The following SEL1L2 variants were observed in gnomAD, a reference collection of about 807,000 sequenced individuals.
The protein encoded by SEL1L2 is SEL1L2 adaptor subunit of SYVN1 ubiquitin ligase, also known as protein sel-1 homolog 2.
SEL1L2 carries 89 observed loss-of-function variants against 98.8 expected under a neutral mutation model. The ratio of observed to expected loss-of-function variants is 0.90; its 90% CI spans 0.76 to 1.07. The LOEUF (loss-of-function observed/expected upper bound fraction) is 1.07, where lower values mean the gene tolerates loss of function less well. Ranked by LOEUF, SEL1L2 falls within the 50% of genes least tolerant of loss-of-function variation. The pLI is 0.00. For missense variants in SEL1L2, 788 were observed against 812.0 expected (o/e 0.97, Z 0.36); for synonymous variants, 262 against 278.5 (o/e 0.94, Z 0.59).
intron 10 of SEL1L2, among the ~76,000 whole-genome samples, chr20:13,879,536 A>C (rs1194238336): frequency 6.6e-6 from 1 of 152,016 alleles, no homozygotes; most frequent in Non-Finnish European, 1.5e-5. Context: ...TATTTTTAGT[A>C]GAGATGGGGT....
chr20:13,962,541 A>G (rs6079239), intron 1 of SEL1L2, among the ~76,000 whole-genome samples: 114,046 of 152,108 alleles, frequency 0.75, 43,804 homozygotes, highest in South Asian at 0.84. Context: ...AAGCCACCCA[A>G]TCAACACACA....
intron 2 of SEL1L2, among the ~76,000 whole-genome samples, chr20:13,934,358 C>T (rs2049304860): frequency 4.9e-4 from 2 of 4,052 alleles, no homozygotes; most frequent in African/African-American, 9.8e-4. Flanking sequence ...ATATATATTC[C>T]ATATATATAT....
chr20:13,937,361 C>T (rs1180583897), intron 2 of SEL1L2, among the ~76,000 whole-genome samples: 2 of 152,206 alleles, frequency 1.3e-5, no homozygotes, highest in Non-Finnish European at 2.9e-5. Context: ...TGGAGCCCGA[C>T]ATGCGCACTG....
chr20:13,876,221 AGTAAATGCCACT>A (rs1305709424), intron 11 of SEL1L2, 106 bp from the exon 12 acceptor site: 11 of 784,774 alleles, frequency 1.4e-5, no homozygotes, highest in African/African-American at 3.4e-5. Flanking sequence ...TATTGAATGT[AGTAAATGCCACT>A]GTAAATGCCA....
chr20:13,924,840 T>C (rs1482692722), intron 3 of SEL1L2, among the ~76,000 whole-genome samples: 1 of 152,128 alleles, frequency 6.6e-6, no homozygotes, highest in Non-Finnish European at 1.5e-5. Context: ...TTCTACTCTA[T>C]CAAGTCTTGA....
At chr20:13,985,540 T>C (rs545062690) in intron 1 of SEL1L2, among the ~76,000 whole-genome samples, 60 of 152,212 alleles carry the variant, frequency 3.9e-4, no homozygotes, top group Non-Finnish European at 6.8e-4. Context: ...ATGCTTCTGT[T>C]TTATTACCTA....
At chr20:13,899,770 A>C (rs1568928603) in intron 5 of SEL1L2, among the ~76,000 whole-genome samples, 1 of 152,228 alleles carries the variant, frequency 6.6e-6, no homozygotes, top group African/African-American at 2.4e-5. Context: ...AAGAAAACTG[A>C]AGCAGGATAA....
intron 17 of SEL1L2, among the ~76,000 whole-genome samples, chr20:13,861,430 C>T (rs7271734): frequency 0.33 from 49,372 of 151,428 alleles, 8,372 homozygotes; most frequent in Middle Eastern, 0.53. Flanking sequence ...ACAGGTGTGA[C>T]GCACCCAGCC....
chr20:13,976,434 C>T (rs1312197377), intron 1 of SEL1L2, among the ~76,000 whole-genome samples: 26 of 152,070 alleles, frequency 1.7e-4, no homozygotes, highest in Admixed American at 1.7e-3. Flanking sequence ...CGGATGACAG[C>T]CCACTCCTGT....
chr20:13,899,296 T>C (rs2148074464), intron 5 of SEL1L2, among the ~76,000 whole-genome samples: 1 of 152,286 alleles, frequency 6.6e-6, no homozygotes, highest in Admixed American at 6.5e-5. Context: ...ATGTCTGTTG[T>C]GGTTTGCTAT....
chr20:13,891,367 C>T (rs1050810448), intron 5 of SEL1L2, among the ~76,000 whole-genome samples: 15 of 151,988 alleles, frequency 9.9e-5, no homozygotes, highest in African/African-American at 3.6e-4. Flanking sequence ...ATTCAAAATG[C>T]TGAAAGAAAA....
intron 2 of SEL1L2, among the ~76,000 whole-genome samples, chr20:13,939,059 T>TTTTTTTTTC (rs71188201): frequency 1.6e-5 from 2 of 122,790 alleles, no homozygotes; most frequent in Admixed American, 8.6e-5. Context: ...TTTTTTTTTT[T>TTTTTTTTTC]CTGAGATGGA....
intron 18 of SEL1L2, among the ~76,000 whole-genome samples, chr20:13,855,762 G>A (rs1989058658): frequency 6.6e-6 from 1 of 152,218 alleles, no homozygotes; most frequent in Non-Finnish European, 1.5e-5. Context: ...CTTCTTGGCT[G>A]CCTTAGCCCA....
At chr20:13,899,440 C>T (rs977678791) in intron 5 of SEL1L2, among the ~76,000 whole-genome samples, 1 of 152,104 alleles carries the variant, frequency 6.6e-6, no homozygotes, top group Non-Finnish European at 1.5e-5. Context: ...TTCTTCTTAG[C>T]ATAATAATAA....
chr20:13,934,975 T>C (rs1349637113), intron 2 of SEL1L2, among the ~76,000 whole-genome samples: 6 of 152,096 alleles, frequency 3.9e-5, no homozygotes, highest in Non-Finnish European at 7.4e-5. Flanking sequence ...TCTAGTATAG[T>C]GGAATTATCA....
chr20:13,852,225 C>G (rs976157178), intron 18 of SEL1L2, among the ~76,000 whole-genome samples: 7 of 152,056 alleles, frequency 4.6e-5, no homozygotes, highest in Non-Finnish European at 1.0e-4. Flanking sequence ...TTATGTCTTG[C>G]GGTAGAAGCA....
intron 2 of SEL1L2, among the ~76,000 whole-genome samples, chr20:13,938,239 C>A (rs1200868997): frequency 6.6e-6 from 1 of 152,018 alleles, no homozygotes; most frequent in African/African-American, 2.4e-5. Context: ...CACCACCACA[C>A]CTGGCTAATT....
intron 4 of SEL1L2, among the ~76,000 whole-genome samples, chr20:13,916,517 G>T (rs1305443514): frequency 6.6e-6 from 1 of 152,128 alleles, no homozygotes; most frequent in Non-Finnish European, 1.5e-5. Flanking sequence ...ACTCAAAAGG[G>T]TCAGGAGGCT....
At position 13,960,083 on chromosome 20, in the gene SEL1L2, A is replaced by G. The variant is rs144341737; in HGVS notation, c.59-3952T>C. ...ATTATAGTCACATAAAATGTCTAGCAGTTTTTAAACTCCATTATCACAACT... is the reference window on the plus strand; with the variant it reads ...ATTATAGTCACATAAAATGTCTAGCGGTTTTTAAACTCCATTATCACAACT... On this transcript the variant is annotated intron_variant, in intron 1 of 19. Coordinates refer to ENST00000284951, the MANE Select transcript of SEL1L2 (RefSeq NM_025229.2). Among the ~76,000 whole-genome samples the G allele has an allele frequency of 3.8e-4, 58 of 152,350 alleles. No homozygotes were observed. In the East Asian group the frequency reaches 0.01, roughly 26 times the overall value.
Sources: allele counts gnomAD v4.1 joint callset (sites outside exome capture counted in the v4.1 genomes callset), GRCh38; gene constraint gnomAD v4.1.1; transcripts MANE v1.5; gene names NCBI Gene and HGNC (gene_info 2026-07-23, HGNC 2026-07-21).